PITPNC1: variants seen among roughly 807,000 people sequenced by gnomAD.
PITPNC1 encodes phosphatidylinositol transfer protein cytoplasmic 1, also known as cytoplasmic phosphatidylinositol transfer protein 1.
In PITPNC1, 18 loss-of-function variants were observed where a neutral mutation model predicts 44.7. The ratio of observed to expected loss-of-function variants is 0.40; its 90% CI spans 0.28 to 0.60. The LOEUF (loss-of-function observed/expected upper bound fraction) is 0.60, where lower values mean the gene tolerates loss of function less well. Among genes scored for constraint, PITPNC1 ranks in the 20% least tolerant of loss-of-function variants. The pLI, the probability that PITPNC1 is intolerant of heterozygous loss-of-function variation, is 0.39. For missense variants in PITPNC1, 290 were observed against 418.4 expected, an observed-to-expected ratio of 0.69 and a Z score of 2.68; for synonymous variants, 141 against 149.6, an observed-to-expected ratio of 0.94 and a Z score of 0.42.
At chr17:67,418,840 C>T (rs1369207932) in intron 1 of PITPNC1, among the ~76,000 whole-genome samples, 4 of 152,236 alleles carry the variant, frequency 2.6e-5, no homozygotes, top group South Asian at 4.2e-4. Flanking sequence ...GGATTACAGG[C>T]GTGAGCCACT....
chr17:67,460,206 C>A (rs750763519), intron 1 of PITPNC1, among the ~76,000 whole-genome samples: 11 of 152,174 alleles, frequency 7.2e-5, no homozygotes, highest in Non-Finnish European at 1.6e-4. Context: ...TCCATGCCTT[C>A]CGTGTCAGCC....
intron 1 of PITPNC1, among the ~76,000 whole-genome samples, chr17:67,467,085 A>T (rs2039439058): frequency 2.3e-5 from 3 of 127,888 alleles, no homozygotes; most frequent in East Asian, 2.7e-4. Context: ...TTTGAGATGA[A>T]TCTTGCTCTG....
chr17:67,424,625 C>A (rs756316801), intron 1 of PITPNC1, among the ~76,000 whole-genome samples: 1 of 151,942 alleles, frequency 6.6e-6, no homozygotes. Flanking sequence ...CTACTGTGCT[C>A]CTGCTTGGGC....
chr17:67,430,702 C>A (rs1310315775), intron 1 of PITPNC1, among the ~76,000 whole-genome samples: 1 of 151,812 alleles, frequency 6.6e-6, no homozygotes, highest in Non-Finnish European at 1.5e-5. Context: ...ACCTGTCGTC[C>A]CAGCTACTTG....
intron 4 of PITPNC1, among the ~76,000 whole-genome samples, chr17:67,559,688 A>T (rs1333839456): frequency 6.6e-6 from 1 of 152,098 alleles, no homozygotes; most frequent in Non-Finnish European, 1.5e-5. Flanking sequence ...GGAGTTTGAG[A>T]CCAGCCTGGC....
intron 4 of PITPNC1, among the ~76,000 whole-genome samples, chr17:67,557,292 C>A (rs1408404767): frequency 6.6e-6 from 1 of 152,030 alleles, no homozygotes; most frequent in Non-Finnish European, 1.5e-5. Flanking sequence ...CTGATTAGTC[C>A]CAAAATCCCA....
At chr17:67,410,362 C>T (rs2038476180) in intron 1 of PITPNC1, among the ~76,000 whole-genome samples, 1 of 152,068 alleles carries the variant, frequency 6.6e-6, no homozygotes, top group Non-Finnish European at 1.5e-5. Context: ...TTAAACAGGT[C>T]TTTGGCTGGT....
At chr17:67,654,780 G>A (rs574774671) in intron 6 of PITPNC1, among the ~76,000 whole-genome samples, 41 of 152,192 alleles carry the variant, frequency 2.7e-4, no homozygotes, top group Middle Eastern at 3.4e-3. Context: ...CAACAGGAGC[G>A]CGCCACCACG....
At chr17:67,477,769 C>T (rs2039650932) in intron 1 of PITPNC1, among the ~76,000 whole-genome samples, 1 of 152,140 alleles carries the variant, frequency 6.6e-6, no homozygotes, top group Admixed American at 6.5e-5. Context: ...ATCGAGGGCC[C>T]TGGGCTTCCC....
rs139000748 is a variant in PITPNC1 at position 67,547,757 on chromosome 17, GT to G, written c.198-4498del. ...AGCTTCTAATGGAGGGATGATTTAG[GT>G]TCTGCTCCAGAAGCTCTTTATGAAG... On this transcript the variant is annotated intron_variant, in intron 2 of 8. Transcript: ENST00000581322. 3.9e-3 allele frequency among the ~76,000 whole-genome samples: 590 copies of G among 152,234 alleles called. 6 individuals are homozygous for G. The highest frequency in any genetic ancestry group is 0.031 in the Middle Eastern group (9 of 294).
At chr17:67,414,437 C>G (rs981767748) in intron 1 of PITPNC1, among the ~76,000 whole-genome samples, 1 of 151,456 alleles carries the variant, frequency 6.6e-6, no homozygotes, top group South Asian at 2.1e-4. Flanking sequence ...GAAAAAAGCC[C>G]CACCCCCCCA....
intron 6 of PITPNC1, among the ~76,000 whole-genome samples, chr17:67,653,099 T>A (rs1192149048): frequency 6.6e-6 from 1 of 152,018 alleles, no homozygotes; most frequent in African/African-American, 2.4e-5. Context: ...CAGGCCAACA[T>A]GGTGAAACCC....
intron 5 of PITPNC1, among the ~76,000 whole-genome samples, chr17:67,606,083 G>A (rs2041603894): frequency 6.6e-6 from 1 of 152,206 alleles, no homozygotes; most frequent in Non-Finnish European, 1.5e-5. Flanking sequence ...ATGGACCTCT[G>A]TAGGAAGCCT....
intron 1 of PITPNC1, among the ~76,000 whole-genome samples, chr17:67,442,622 C>G (rs1400812404): frequency 6.6e-6 from 1 of 151,766 alleles, no homozygotes; most frequent in Non-Finnish European, 1.5e-5. Context: ...GCAAGTGGAT[C>G]ACTTGAGCCC....
At chr17:67,658,875 A>T (rs781026597) in intron 6 of PITPNC1, among the ~76,000 whole-genome samples, 5 of 152,048 alleles carry the variant, frequency 3.3e-5, no homozygotes, top group Non-Finnish European at 7.4e-5. Context: ...GCAGGGGGGA[A>T]GCCATGTCTT....
At chr17:67,478,908 T>C (rs1428790178) in intron 1 of PITPNC1, among the ~76,000 whole-genome samples, 1 of 151,598 alleles carries the variant, frequency 6.6e-6, no homozygotes, top group Non-Finnish European at 1.5e-5. Context: ...TTAATATATA[T>C]ATATTTCTTT....
chr17:67,405,346 G>A (rs1475446633), intron 1 of PITPNC1, among the ~76,000 whole-genome samples: 1 of 151,708 alleles, frequency 6.6e-6, no homozygotes, highest in Non-Finnish European at 1.5e-5. Flanking sequence ...GAGCCTGGGA[G>A]TTCAGGGCTG....
chr17:67,442,204 CAT>C (rs10526037), intron 1 of PITPNC1, among the ~76,000 whole-genome samples: 2,993 of 53,566 alleles, frequency 0.056, 62 homozygotes, highest in East Asian at 0.12. Flanking sequence ...GGAAAATAAG[CAT>C]ATATATATAT....
At chr17:67,550,753 T>A (rs533313091) in intron 2 of PITPNC1, among the ~76,000 whole-genome samples, 7 of 152,070 alleles carry the variant, frequency 4.6e-5, no homozygotes, top group Non-Finnish European at 1.0e-4. Context: ...CACTTGGTTA[T>A]CGGGCTGGAA....
Sources: allele counts gnomAD v4.1 joint callset (sites outside exome capture counted in the v4.1 genomes callset), GRCh38; gene constraint gnomAD v4.1.1; transcripts MANE v1.5; gene names NCBI Gene and HGNC (gene_info 2026-07-23, HGNC 2026-07-21).